The following DAAM2 variants were observed in gnomAD, a reference collection of about 807,000 sequenced individuals.
DAAM2 encodes dishevelled associated activator of morphogenesis 2, also known as disheveled-associated activator of morphogenesis 2.
DAAM2 carries 39 observed loss-of-function variants against 120.7 expected under a neutral mutation model. That is an observed-to-expected ratio of 0.32 (90% CI 0.25 to 0.42). The LOEUF (loss-of-function observed/expected upper bound fraction) is 0.42, where lower values mean the gene tolerates loss of function less well. Among genes scored for constraint, DAAM2 ranks in the 10% least tolerant of loss-of-function variants. The pLI, the probability that DAAM2 is intolerant of heterozygous loss-of-function variation, is 1.00. For synonymous variants in DAAM2, 488 were observed against 524.9 expected (o/e 0.93, Z 0.96); for missense variants, 1,283 against 1,401.7 (o/e 0.92, Z 1.35).
chr6:39,842,882 T>C lies in DAAM2; in HGVS notation c.-56-13365T>C, dbSNP rs79990626. On this transcript the variant is annotated intron_variant, in intron 1 of 24. Transcript: ENST00000274867. Reference sequence around the variant, plus strand: ...CATGAGATTGGGGTGAGGGGTAATGTTGAGAATCCGCATGTGGAACGAGCA... The same window carrying C: ...CATGAGATTGGGGTGAGGGGTAATGCTGAGAATCCGCATGTGGAACGAGCA... 2.1e-3 allele frequency among the ~76,000 whole-genome samples: 320 copies of C among 151,988 alleles called. 3 individuals are homozygous for C. The highest frequency in any genetic ancestry group is 7.2e-3 in the African/African-American group (300 of 41,466).
chr6:39,815,808 A>C (rs1443945899), intron 1 of DAAM2, among the ~76,000 whole-genome samples: 6 of 152,176 alleles, frequency 3.9e-5, no homozygotes, highest in Non-Finnish European at 8.8e-5. Context: ...AGATTGGCCA[A>C]AGGTTACACC....
At chr6:39,868,334 A>G in intron 6 of DAAM2, 1 of 218,212 alleles carries the variant, frequency 4.6e-6, no homozygotes, top group South Asian at 9.0e-5. Context: ...AGTATCAGTG[A>G]GATGAACAGT....
intron 11 of DAAM2, among the ~76,000 whole-genome samples, chr6:39,877,177 C>T (rs1280195162): frequency 6.6e-6 from 1 of 152,226 alleles, no homozygotes; most frequent in Non-Finnish European, 1.5e-5. Context: ...TCCCCTTGCA[C>T]AGGACTGTGA....
At chr6:39,825,927 T>A (rs1762658075) in intron 1 of DAAM2, among the ~76,000 whole-genome samples, 1 of 152,212 alleles carries the variant, frequency 6.6e-6, no homozygotes, top group Non-Finnish European at 1.5e-5. Context: ...CACACATTAT[T>A]TGGGCTTTGT....
At chr6:39,886,359 C>A in intron 15 of DAAM2, 2 of 399,216 alleles carry the variant, frequency 5.0e-6, no homozygotes, top group Non-Finnish European at 8.8e-6. Flanking sequence ...TTTCTGGGTC[C>A]CCAAATGTCT....
chr6:39,808,866 T>C (rs1206518782), intron 1 of DAAM2, among the ~76,000 whole-genome samples: 1 of 152,216 alleles, frequency 6.6e-6, no homozygotes, highest in African/African-American at 2.4e-5. Flanking sequence ...CCTGCTTATT[T>C]ATACATCGTG....
rs1019322998 is a variant in DAAM2, at chr6:39,904,742, T to G, written c.*2705T>G. The G allele has an allele frequency of 8.8e-6, 4 of 454,030 alleles. No homozygotes were observed. Among genetic ancestry groups the G allele is most frequent in the Non-Finnish European group, 1.8e-5 (4 of 226,808 alleles). The allele number at this position is 454,030 out of a possible 1,614,324, so 28.1% of individuals were successfully genotyped here. A position where few individuals can be genotyped will look rare whatever the true frequency, so the allele number is the denominator to read the frequency against. On this transcript the variant is annotated 3_prime_UTR_variant, in exon 25 of 25. Transcript: ENST00000274867. ...GGATGCCTTCACGCCAAGGCTGTTC[T>G]CACCAGCTGCCTCAGATGACAAATG...
chr6:39,817,590 A>G (rs768323106), intron 1 of DAAM2, among the ~76,000 whole-genome samples: 1 of 152,194 alleles, frequency 6.6e-6, no homozygotes, highest in Non-Finnish European at 1.5e-5. Context: ...AAACAGAACC[A>G]ATAGGATCTC....
intron 1 of DAAM2, among the ~76,000 whole-genome samples, chr6:39,814,931 T>C (rs767813388): frequency 1.3e-5 from 2 of 152,220 alleles, no homozygotes; most frequent in Non-Finnish European, 2.9e-5. Context: ...CACTCAGTCA[T>C]TGATATTGTG....
chr6:39,809,879 C>T (rs1172261610), intron 1 of DAAM2, among the ~76,000 whole-genome samples: 3 of 152,186 alleles, frequency 2.0e-5, no homozygotes, highest in Admixed American at 6.5e-5. Flanking sequence ...GTTCAGCAGA[C>T]ACACTCCAGA....
chr6:39,833,639 A>G (rs570820863), intron 1 of DAAM2, among the ~76,000 whole-genome samples: 88 of 152,244 alleles, frequency 5.8e-4, no homozygotes, highest in African/African-American at 2.0e-3. Context: ...TGTCCTGTCT[A>G]GAGGAGACAT....
intron 1 of DAAM2, among the ~76,000 whole-genome samples, chr6:39,799,473 C>T (rs1486407679): frequency 6.6e-6 from 1 of 152,114 alleles, no homozygotes; most frequent in African/African-American, 2.4e-5. Flanking sequence ...TAGTGGCAGA[C>T]TTATTTTGGT....
chr6:39,827,052 T>C (rs1204243790), intron 1 of DAAM2, among the ~76,000 whole-genome samples: 1 of 152,200 alleles, frequency 6.6e-6, no homozygotes, highest in Non-Finnish European at 1.5e-5. Context: ...GAATTTTTAA[T>C]TTTTGTTTTT....
At chr6:39,835,394 T>C (rs1763064709) in intron 1 of DAAM2, among the ~76,000 whole-genome samples, 1 of 152,230 alleles carries the variant, frequency 6.6e-6, no homozygotes, top group African/African-American at 2.4e-5. Flanking sequence ...TACCAGTGGC[T>C]GGGAGATCTC....
At chr6:39,827,072 T>A (rs1234426046) in intron 1 of DAAM2, among the ~76,000 whole-genome samples, 1 of 152,172 alleles carries the variant, frequency 6.6e-6, no homozygotes, top group Non-Finnish European at 1.5e-5. Context: ...TATATTGCAT[T>A]TTTGTAGTTG....
chr6:39,900,534 C>T (rs1382503794), intron 23 of DAAM2, among the ~76,000 whole-genome samples: 2 of 152,140 alleles, frequency 1.3e-5, no homozygotes, highest in African/African-American at 4.8e-5. Context: ...CAAGATTGCC[C>T]AGCTGTAAGT....
chr6:39,806,580 A>C (rs1762014905), intron 1 of DAAM2, among the ~76,000 whole-genome samples: 2 of 152,136 alleles, frequency 1.3e-5, no homozygotes, highest in South Asian at 4.1e-4. Flanking sequence ...TTTAAAAAAA[A>C]ATCCCTGTCT....
intron 1 of DAAM2, chr6:39,821,822 A>T (rs1762498412): frequency 6.6e-6 from 1 of 152,276 alleles, no homozygotes. Context: ...AAGATGCCAG[A>T]GACCAGTGAC....
At chr6:39,812,646 G>GTGGAGTCAGCAGGTAGCTTT (rs1554166903) in intron 1 of DAAM2, among the ~76,000 whole-genome samples, 2,447 of 151,538 alleles carry the variant, frequency 0.016, 64 homozygotes, top group African/African-American at 0.055. Flanking sequence ...ACCTCTGACT[G>GTGGAGTCAGCAGGTAGCTTT]TGGAGTCAGC....
Sources: allele counts gnomAD v4.1 joint callset (sites outside exome capture counted in the v4.1 genomes callset), GRCh38; gene constraint gnomAD v4.1.1; transcripts MANE v1.5; gene names NCBI Gene and HGNC (gene_info 2026-07-23, HGNC 2026-07-21).